The following RNF41 variants were observed in gnomAD, a reference collection of about 807,000 sequenced individuals.
RNF41 encodes ring finger protein 41.
Under a neutral mutation model 33.0 loss-of-function variants are expected in RNF41, and 4 were observed. The ratio of observed to expected loss-of-function variants is 0.12; its 90% CI spans 0.06 to 0.28. RNF41 has a LOEUF of 0.28. Ranked by LOEUF, RNF41 falls within the 10% of genes least tolerant of loss-of-function variation. RNF41 has a pLI of 1.00. For synonymous variants in RNF41, 164 were observed against 153.2 expected, an observed-to-expected ratio of 1.07 and a Z score of -0.52; for missense variants, 228 against 432.6, an observed-to-expected ratio of 0.53 and a Z score of 4.19.
Position 56,206,724 on chromosome 12 carries a change from T to C in RNF41, c.677A>G (p.Gln226Arg), listed in dbSNP as rs1301184510. 6.2e-7 allele frequency: 1 copy of C among 1,614,058 alleles called. No homozygotes were observed. The highest frequency in any genetic ancestry group is 8.5e-7 in the Non-Finnish European group (1 of 1,180,024). ...CACCAGGGAGCGCTTGATTACAGCC[T>C]GGAGCACAGCATCAGGAGTCGAGAT... ...GMISTPDAVL[Q>R]AVIKRSLVES... Residue 226 changes from glutamine (Q) to arginine (R), a missense_variant, in exon 7 of 7, where the codon CAG becomes CGG. Transcript: ENST00000345093. This position sits in a 1 kb window ranked among gnomAD's most constrained non-coding sequence, Gnocchi z 5.7.
In RNF41 at chr12:56,221,909, T is replaced by C. The variant is rs1869494368; in HGVS notation, c.-358A>G. 6.6e-6 allele frequency: 1 copy of C among 152,438 alleles called. No homozygotes were observed. Among genetic ancestry groups the C allele is most frequent in the African/African-American group, 2.4e-5 (1 of 41,438 alleles). 9.4% of individuals were successfully genotyped at this position (152,438 alleles called of 1,614,324 possible). ...GGGGAAAGAAGACTCCTACCACTCG[T>C]CGCCGCCTCAGACGGATCCTTTGCC... On this transcript the variant is annotated 5_prime_UTR_variant, in exon 1 of 7. Coordinates refer to ENST00000345093, the MANE Select transcript of RNF41 (RefSeq NM_005785.4).
chr12:56,205,820 A>G lies in RNF41; in HGVS notation c.*627T>C, dbSNP rs183325854. ...TCCCTAATTATGAAAACTTGTAGGA[A>G]AGAAGAGCTCATCTGGAAATTTTCA... On this transcript the variant is annotated 3_prime_UTR_variant, in exon 7 of 7. Transcript: ENST00000345093. 2.2e-3 allele frequency: 342 copies of G among 152,840 alleles called. 1 individual carries two copies. Among genetic ancestry groups the G allele is most frequent in the Middle Eastern group, 3.4e-3 (1 of 294 alleles). 9.5% of individuals were successfully genotyped at this position (152,840 alleles called of 1,614,324 possible).
chr12:56,206,419 T>C lies in RNF41; in HGVS notation c.*28A>G, dbSNP rs1264035884. On this transcript the variant is annotated 3_prime_UTR_variant, in exon 7 of 7. Transcript: ENST00000345093. The surrounding 1 kb of genome is among the most constrained non-coding windows in gnomAD (Gnocchi z 5.7). ...GAGTGATGGGATTTTCTGATTTCCA[T>C]CTCTTCCTGATAGCCAGTCGAGTTC... The C allele has an allele frequency of 6.4e-7, 1 of 1,563,644 alleles. No individual in the cohort carries two copies. Among genetic ancestry groups the C allele is most frequent in the Non-Finnish European group, 8.7e-7 (1 of 1,147,860 alleles).
intron 3 of RNF41, chr12:56,212,931 G>A (rs1214184609): frequency 1.8e-6 from 2 of 1,126,760 alleles, no homozygotes; most frequent in Non-Finnish European, 2.4e-6. Flanking sequence ...AGGGCAATAA[G>A]GATCCTGGAG....
Position 56,205,911 on chromosome 12 carries a change from ATACTGCT to A in RNF41, c.*529_*535del, listed in dbSNP as rs1222227082. 1.9e-5 allele frequency: 3 copies of A among 155,284 alleles called. No individual in the cohort carries two copies. The highest frequency in any genetic ancestry group is 7.2e-5 in the African/African-American group (3 of 41,454). 9.6% of individuals were successfully genotyped at this position (155,284 alleles called of 1,614,324 possible). On this transcript the variant is annotated 3_prime_UTR_variant, in exon 7 of 7. Transcript: ENST00000345093. ...CACCTTTAAGGTGGGCTGAACAGGG[ATACTGCT>A]TGGCACAGAGGTCCAGTCTTTCCCT... is the stretch of plus-strand genomic sequence containing the variant.
rs1444089285 is a variant in RNF41 at position 56,202,492 on chromosome 12, CCA to C, written c.*3953_*3954del. 1 of 152,184 alleles carries C rather than the reference CCA, an allele frequency of 6.6e-6. No homozygotes were observed. Among genetic ancestry groups the C allele is most frequent in the East Asian group, 1.9e-4 (1 of 5,200 alleles). 9.4% of individuals were successfully genotyped at this position (152,184 alleles called of 1,614,324 possible). On this transcript the variant is annotated 3_prime_UTR_variant, in exon 7 of 7. Transcript: ENST00000345093. ...CCCTGCTGTTGTAATGTGAAAGCAG[CCA>C]CAGACAATATATAAACAAGTGGGCA... is the stretch of plus-strand genomic sequence containing the variant.
chr12:56,216,049 G>C (rs1298187179), intron 2 of RNF41, among the ~76,000 whole-genome samples: 1 of 151,998 alleles, frequency 6.6e-6, no homozygotes, highest in Non-Finnish European at 1.5e-5. Context: ...TTGAACCCAG[G>C]AGGTGAAGGT....
intron 3 of RNF41, 147 bp from the exon 4 acceptor site, chr12:56,210,715 C>T: frequency 2.6e-6 from 2 of 760,830 alleles, no homozygotes; most frequent in Non-Finnish European, 2.1e-6. Context: ...TATAGATCTA[C>T]TACGGGCAAG....
chr12:56,208,461 G>A (rs114102038), intron 4 of RNF41, 163 bp from the exon 5 acceptor site: 505 of 626,854 alleles, frequency 8.1e-4, no homozygotes, highest in African/African-American at 2.6e-3. Flanking sequence ...CACTTTCTTC[G>A]TCCAAGCTTC....
chr12:56,208,918 G>A (rs1466636256), intron 4 of RNF41, among the ~76,000 whole-genome samples: 8 of 144,640 alleles, frequency 5.5e-5, no homozygotes, highest in African/African-American at 1.3e-4. Context: ...AGGCTGGAGT[G>A]CAATGGCACG....
rs1252898099 is a variant in RNF41, at chr12:56,204,028, A to G, written c.*2419T>C. The G allele has an allele frequency of 6.6e-6, 1 of 152,170 alleles. No individual in the cohort carries two copies. Among genetic ancestry groups the G allele is most frequent in the East Asian group, 1.9e-4 (1 of 5,198 alleles). 9.4% of individuals were successfully genotyped at this position (152,170 alleles called of 1,614,324 possible). A position where few individuals can be genotyped will look rare whatever the true frequency, so the allele number is the denominator to read the frequency against. ...CTATGAAGACTATTTTTATAAGTAAATAATTATGAAACCTCTGCAAGTACA... is the reference window on the plus strand; with the variant it reads ...CTATGAAGACTATTTTTATAAGTAAGTAATTATGAAACCTCTGCAAGTACA... On this transcript the variant is annotated 3_prime_UTR_variant, in exon 7 of 7. Coordinates refer to ENST00000345093, the MANE Select transcript of RNF41 (RefSeq NM_005785.4).
chr12:56,211,656 A>G (rs1868488516), intron 3 of RNF41, among the ~76,000 whole-genome samples: 1 of 152,102 alleles, frequency 6.6e-6, no homozygotes, highest in Non-Finnish European at 1.5e-5. Context: ...GGAGGAGGAC[A>G]TATTTACTGG....
At chr12:56,219,456 A>G (rs1410001340) in intron 1 of RNF41, among the ~76,000 whole-genome samples, 2 of 151,312 alleles carry the variant, frequency 1.3e-5, no homozygotes, top group African/African-American at 4.8e-5. Context: ...CGGCCTCCCA[A>G]AGTGCTGGGA....
At chr12:56,217,368 G>GA (rs1262215327) in intron 1 of RNF41, among the ~76,000 whole-genome samples, 1 of 152,026 alleles carries the variant, frequency 6.6e-6, no homozygotes, top group Non-Finnish European at 1.5e-5. Context: ...CCAACATGGC[G>GA]AAACCCCATC....
At chr12:56,215,633 C>T (rs1868826857) in intron 2 of RNF41, among the ~76,000 whole-genome samples, 1 of 147,250 alleles carries the variant, frequency 6.8e-6, no homozygotes, top group Non-Finnish European at 1.5e-5. Context: ...GCAGGAGAAT[C>T]GCTTGAACCC....
chr12:56,214,567 G>A (rs966980642), intron 2 of RNF41, among the ~76,000 whole-genome samples: 7 of 149,342 alleles, frequency 4.7e-5, no homozygotes, highest in African/African-American at 1.7e-4. Flanking sequence ...AGTGGCTCAC[G>A]CCTGTAATCC....
chr12:56,217,567 T>A (rs1167376687), intron 1 of RNF41, among the ~76,000 whole-genome samples: 2 of 151,946 alleles, frequency 1.3e-5, no homozygotes, highest in African/African-American at 4.8e-5. Context: ...GCAAAATGCA[T>A]AGATCCATAA....
intron 3 of RNF41, among the ~76,000 whole-genome samples, chr12:56,213,301 A>C (rs1229201899): frequency 6.6e-6 from 1 of 152,042 alleles, no homozygotes; most frequent in Non-Finnish European, 1.5e-5. Flanking sequence ...CCCGGGTTCA[A>C]GCAATTCTCC....
chr12:56,220,018 AAAATAAATAAAT>A (rs60851148), intron 1 of RNF41, among the ~76,000 whole-genome samples: 91 of 139,382 alleles, frequency 6.5e-4, no homozygotes, highest in Middle Eastern at 3.5e-3. Context: ...CCCTGTCTCA[AAAATAAATAAAT>A]AAATAAATAA....
Sources: gnomAD v4.1 joint callset for allele counts (sites outside exome capture counted in the v4.1 genomes callset) on GRCh38, gnomAD v4.1.1 for gene constraint, Gnocchi (gnomAD v3.1) non-coding constraint, MANE v1.5 for transcripts, NCBI Gene and HGNC (gene_info 2026-07-23, HGNC 2026-07-21) for gene names.